AK3: variants seen among roughly 807,000 people sequenced by gnomAD.
AK3 encodes the protein adenylate kinase 3, also known as GTP:AMP phosphotransferase AK3, mitochondrial.
A neutral mutation model predicts 23.7 loss-of-function variants in AK3; 27 were observed. The ratio of observed to expected loss-of-function variants is 1.14; its 90% CI spans 0.84 to 1.57. The LOEUF is 1.57. Among genes scored for constraint, AK3 ranks in the 40% most tolerant of loss-of-function variants. AK3 has a pLI of 0.00. For synonymous variants in AK3, 159 were observed against 116.0 expected (o/e 1.37, Z -2.38); for missense variants, 406 against 285.6 (o/e 1.42, Z -3.04).
At position 4,718,480 on chromosome 9, in the gene AK3, T is replaced by G; in HGVS notation, c.502A>C (p.Thr168Pro). Reference protein sequence around the residue: ...LIQREDDKPETVIKRLKAYED... With the variant: ...LIQREDDKPEPVIKRLKAYED... ...TAAGCCTTTAGTCTCTTGATAACCGTCTCTGGTTTATCATCCTCACGCTGA... is the reference window on the plus strand; with the variant it reads ...TAAGCCTTTAGTCTCTTGATAACCGGCTCTGGTTTATCATCCTCACGCTGA... Residue 168 changes from threonine to proline, a missense_variant, in exon 4 of 5, where the codon ACG becomes CCG. Thr to Pro is a conservative substitution (Grantham distance 38). Coordinates refer to ENST00000381809, the MANE Select transcript of AK3 (RefSeq NM_016282.4). The G allele has an allele frequency of 6.2e-7, 1 of 1,613,740 alleles. No homozygotes were observed. Among genetic ancestry groups the G allele is most frequent in the South Asian group, 1.1e-5 (1 of 91,062 alleles).
upstream of AK3, chr9:4,741,233 G>C: frequency 2.1e-6 from 2 of 933,140 alleles, no homozygotes; most frequent in Admixed American, 8.6e-5. Flanking sequence ...GAAGTGAGCC[G>C]ACAGCCCCTG....
chr9:4,740,119 C>G (rs1346989011), intron 1 of AK3, among the ~76,000 whole-genome samples: 1 of 147,360 alleles, frequency 6.8e-6, no homozygotes, highest in Non-Finnish European at 1.5e-5. Context: ...AGCATTATTT[C>G]TATGTAAATG....
At chr9:4,742,036 G>C (rs973074509), upstream of AK3, 1 of 152,282 alleles carries the variant, frequency 6.6e-6, no homozygotes, top group African/African-American at 2.4e-5. Context: ...TAACGTAAAA[G>C]AGTGTGTGAA....
intron 1 of AK3, among the ~76,000 whole-genome samples, chr9:4,728,860 T>TACACACAC (rs1473100751): frequency 5.6e-4 from 41 of 73,050 alleles, no homozygotes; most frequent in African/African-American, 1.5e-3. Flanking sequence ...TATATATATA[T>TACACACAC]ATATATACAC....
At chr9:4,730,599 T>A (rs949708632) in intron 1 of AK3, among the ~76,000 whole-genome samples, 5 of 152,180 alleles carry the variant, frequency 3.3e-5, no homozygotes, top group Non-Finnish European at 1.5e-5. Context: ...CAAGACCTTG[T>A]CTCAGGAAAA....
intron 1 of AK3, among the ~76,000 whole-genome samples, chr9:4,733,680 G>A (rs749187196): frequency 6.6e-6 from 1 of 152,094 alleles, no homozygotes; most frequent in Non-Finnish European, 1.5e-5. Flanking sequence ...CTCTGCTTCG[G>A]ATAAATTCTG....
intron 1 of AK3, among the ~76,000 whole-genome samples, chr9:4,725,998 C>T (rs983286045): frequency 2.6e-5 from 4 of 151,792 alleles, no homozygotes; most frequent in Non-Finnish European, 5.9e-5. Flanking sequence ...TTTGGTTTCT[C>T]GGTGCATATA....
intron 1 of AK3, among the ~76,000 whole-genome samples, chr9:4,737,603 A>G (rs562617193): frequency 1.3e-5 from 2 of 152,264 alleles, no homozygotes; most frequent in South Asian, 2.1e-4. Flanking sequence ...AGTCCCAGCT[A>G]CCTGAGTTCG....
chr9:4,729,677 A>G (rs1283622327), intron 1 of AK3, among the ~76,000 whole-genome samples: 2 of 152,008 alleles, frequency 1.3e-5, no homozygotes, highest in Non-Finnish European at 2.9e-5. Context: ...CTAAATAAAA[A>G]AAATACGGGC....
chr9:4,734,098 A>G (rs1257265738), intron 1 of AK3, among the ~76,000 whole-genome samples: 1 of 152,218 alleles, frequency 6.6e-6, no homozygotes, highest in Non-Finnish European at 1.5e-5. Flanking sequence ...AAAGGAGGTA[A>G]CTAAGATTAA....
rs1259563567 is a variant in AK3, at chr9:4,710,893, G to A, written c.*2083C>T. 6.6e-6 allele frequency: 1 copy of A among 152,106 alleles called. No individual in the cohort carries two copies. The highest frequency in any genetic ancestry group is 2.4e-5 in the African/African-American group (1 of 41,408). The allele number at this position is 152,106 out of a possible 1,614,324, so 9.4% of individuals were successfully genotyped here. On this transcript the variant is annotated 3_prime_UTR_variant, in exon 5 of 5. Coordinates refer to ENST00000381809, the MANE Select transcript of AK3 (RefSeq NM_016282.4). ...ACTGCACTCTAGTCTGGGCAACAGAGTGAGGCCCTGTCTAAAAAAAAATAA... is the reference window on the plus strand; with the variant it reads ...ACTGCACTCTAGTCTGGGCAACAGAATGAGGCCCTGTCTAAAAAAAAATAA...
chr9:4,741,456 C>T (rs1842434422), upstream of AK3: 2 of 203,408 alleles, frequency 9.8e-6, no homozygotes, highest in South Asian at 1.8e-4. Context: ...TTCGGCGCCC[C>T]TCTGCACCCA....
chr9:4,717,023 A>G (rs1841754855), intron 4 of AK3, among the ~76,000 whole-genome samples: 1 of 152,352 alleles, frequency 6.6e-6, no homozygotes, highest in Non-Finnish European at 1.5e-5. Flanking sequence ...AATAGCTAAC[A>G]TTTCTATAGT....
At chr9:4,716,471 T>G (rs1841727832) in intron 4 of AK3, among the ~76,000 whole-genome samples, 1 of 152,242 alleles carries the variant, frequency 6.6e-6, no homozygotes, top group African/African-American at 2.4e-5. Context: ...ATTGCCTGAT[T>G]TTACAAATAA....
At chr9:4,719,039 G>C in intron 3 of AK3, 96 bp downstream of exon 3, 2 of 1,360,552 alleles carry the variant, frequency 1.5e-6, no homozygotes. Context: ...CAGGAGTTTT[G>C]GTCAGAGGAT....
At chr9:4,735,248 TATATATATATATAAATATATATATAA>T (rs148850352) in intron 1 of AK3, among the ~76,000 whole-genome samples, 3,932 of 17,816 alleles carry the variant, frequency 0.22, 1,319 homozygotes, top group African/African-American at 0.42. Flanking sequence ...CATATATAAA[TATATATATATATAAATATATATATAA>T]ATATATATAC....
chr9:4,740,888 T>C, intron 1 of AK3, 49 bp downstream of exon 1: 2 of 1,446,414 alleles, frequency 1.4e-6, no homozygotes, highest in Non-Finnish European at 1.8e-6. Flanking sequence ...GCCCGCGAAG[T>C]CCGACCCGGG....
At chr9:4,737,286 C>A (rs1842319508) in intron 1 of AK3, among the ~76,000 whole-genome samples, 1 of 144,860 alleles carries the variant, frequency 6.9e-6, no homozygotes, top group Non-Finnish European at 1.5e-5. Context: ...TCTAAAATGT[C>A]TATCTCATGA....
chr9:4,718,526 G>A lies in AK3; in HGVS notation c.456C>T (p.Asp152=), dbSNP rs1279178644. Residue 152 remains aspartate, a synonymous_variant, in exon 4 of 5, where the codon GAC becomes GAT. Transcript: ENST00000381809. Reference sequence around the variant, plus strand: ...GCTGAATGAGAGGCTCCCCAGTCAGGTCATCAATGCCCTAAACAGGATTAG... The same window carrying A: ...GCTGAATGAGAGGCTCCCCAGTCAGATCATCAATGCCCTAAACAGGATTAG... ...FNPPKTVGID[D]LTGEPLIQRE... 1 of 1,612,156 alleles carries A rather than the reference G, an allele frequency of 6.2e-7. No individual in the cohort carries two copies. Among genetic ancestry groups the A allele is most frequent in the Admixed American group, 1.7e-5 (1 of 59,990 alleles).
Sources: gnomAD v4.1 joint callset for allele counts (sites outside exome capture counted in the v4.1 genomes callset) on GRCh38, gnomAD v4.1.1 for gene constraint, MANE v1.5 for transcripts, NCBI Gene and HGNC (gene_info 2026-07-23, HGNC 2026-07-21) for gene names.